SEMA5A: variants seen among roughly 807,000 people sequenced by gnomAD.
SEMA5A encodes the protein semaphorin-5A.
In SEMA5A, 55 loss-of-function variants were observed where a neutral mutation model predicts 135.5. That is an observed-to-expected ratio of 0.41 (90% CI 0.33 to 0.51). The LOEUF (loss-of-function observed/expected upper bound fraction) is 0.51, where lower values mean the gene tolerates loss of function less well. Ranked by LOEUF, SEMA5A falls within the 20% of genes least tolerant of loss-of-function variation. SEMA5A has a pLI of 0.37. For missense variants in SEMA5A, 1,290 were observed against 1,419.9 expected (o/e 0.91, Z 1.47); for synonymous variants, 580 against 546.5 (o/e 1.06, Z -0.85).
chr5:9,221,553 C>CGTGATCTGCCCGCTGT, intron 8 of SEMA5A, among the ~76,000 whole-genome samples: 1 of 150,794 alleles, frequency 6.6e-6, no homozygotes, highest in Non-Finnish European at 1.5e-5. Context: ...CCGCCCGCCT[C>CGTGATCTGCCCGCTGT]GGCCTCCCAA....
intron 7 of SEMA5A, among the ~76,000 whole-genome samples, chr5:9,226,581 G>A (rs2150421155): frequency 6.6e-6 from 1 of 152,210 alleles, no homozygotes; most frequent in East Asian, 1.9e-4. Context: ...AATATGTTTA[G>A]GATTAATGTT....
At chr5:9,473,140 T>TATAA (rs372991269) in intron 1 of SEMA5A, among the ~76,000 whole-genome samples, 3,575 of 144,906 alleles carry the variant, frequency 0.025, 106 homozygotes, top group African/African-American at 0.06. Flanking sequence ...TATATATATA[T>TATAA]AATGCCCACA....
At chr5:9,197,402 A>G in intron 9 of SEMA5A, 99 bp from the exon 10 acceptor site, 2 of 1,380,630 alleles carry the variant, frequency 1.4e-6, no homozygotes, top group East Asian at 2.3e-5. Flanking sequence ...TACAGCTTCC[A>G]GAGGTCTCAA....
intron 2 of SEMA5A, among the ~76,000 whole-genome samples, chr5:9,425,429 A>G (rs1757613117): frequency 6.6e-6 from 1 of 152,202 alleles, no homozygotes; most frequent in Non-Finnish European, 1.5e-5. Context: ...GTTATTTCTC[A>G]TGGTCACTTT....
intron 8 of SEMA5A, among the ~76,000 whole-genome samples, chr5:9,206,614 A>ACC (rs1169899295): frequency 1.3e-5 from 2 of 152,156 alleles, no homozygotes; most frequent in African/African-American, 4.8e-5. Context: ...ATCATTGAGC[A>ACC]GATCTTTAAT....
intron 2 of SEMA5A, among the ~76,000 whole-genome samples, chr5:9,391,186 T>C (rs1386518103): frequency 6.6e-6 from 1 of 152,070 alleles, no homozygotes; most frequent in Non-Finnish European, 1.5e-5. Flanking sequence ...GAGAGGAAAA[T>C]TTCACTAAGT....
intron 16 of SEMA5A, among the ~76,000 whole-genome samples, chr5:9,090,426 T>C (rs1006181284): frequency 6.6e-6 from 1 of 152,186 alleles, no homozygotes; most frequent in Non-Finnish European, 1.5e-5. Flanking sequence ...CTCCTAAAGG[T>C]GGCCCTGAAA....
intron 1 of SEMA5A, among the ~76,000 whole-genome samples, chr5:9,464,085 C>T (rs1759163690): frequency 6.6e-6 from 1 of 152,148 alleles, no homozygotes; most frequent in Non-Finnish European, 1.5e-5. Flanking sequence ...GAGCAGCGTT[C>T]CTGGTCTCTA....
chr5:9,062,380 T>C (rs547469504), intron 18 of SEMA5A, among the ~76,000 whole-genome samples: 2 of 152,332 alleles, frequency 1.3e-5, no homozygotes, highest in South Asian at 4.1e-4. Flanking sequence ...TCAGGTCTGC[T>C]GGGAGAAGGG....
intron 16 of SEMA5A, among the ~76,000 whole-genome samples, chr5:9,093,676 G>C (rs1244043530): frequency 1.3e-5 from 2 of 151,174 alleles, no homozygotes; most frequent in South Asian, 2.1e-4. Context: ...CTGGGTGACA[G>C]AGTGAGACTC....
chr5:9,151,811 C>T (rs1043364305), intron 12 of SEMA5A, among the ~76,000 whole-genome samples: 2 of 152,220 alleles, frequency 1.3e-5, no homozygotes, highest in Admixed American at 6.5e-5. Context: ...CTGCTTCTCT[C>T]AGAGTAAACA....
At chr5:9,170,740 C>T (rs533373406) in intron 11 of SEMA5A, among the ~76,000 whole-genome samples, 2 of 152,262 alleles carry the variant, frequency 1.3e-5, no homozygotes, top group East Asian at 1.9e-4. Context: ...GGCTTTTCAT[C>T]CCCCAGCACT....
chr5:9,077,381 T>C (rs1471921735), intron 16 of SEMA5A, among the ~76,000 whole-genome samples: 1 of 152,216 alleles, frequency 6.6e-6, no homozygotes, highest in Non-Finnish European at 1.5e-5. Context: ...ATGATTTAGA[T>C]ATTTTAGATA....
At chr5:9,172,674 C>A (rs1017256653) in intron 11 of SEMA5A, among the ~76,000 whole-genome samples, 2 of 152,128 alleles carry the variant, frequency 1.3e-5, no homozygotes, top group Admixed American at 6.5e-5. Context: ...TTCTACCTGG[C>A]ATAACTGAAG....
At position 9,041,349 on chromosome 5, in the gene SEMA5A, C is replaced by T. The variant is rs374282899; in HGVS notation, c.*1548G>A. On this transcript the variant is annotated 3_prime_UTR_variant, in exon 23 of 23. Transcript: ENST00000382496. ...ATCCGAAGGTTCATTTGTAAGAACA[C>T]GTTTCCGTGTCTACCCAGGACTTTA... The T allele has an allele frequency of 6.6e-5, 10 of 152,196 alleles. No homozygotes were observed. Among genetic ancestry groups the T allele is most frequent in the East Asian group, 1.9e-4 (1 of 5,196 alleles). The allele number at this position is 152,196 out of a possible 1,614,324, so 9.4% of individuals were successfully genotyped here.
At chr5:9,409,479 C>G (rs1006268192) in intron 2 of SEMA5A, among the ~76,000 whole-genome samples, 3 of 152,138 alleles carry the variant, frequency 2.0e-5, no homozygotes, top group African/African-American at 7.2e-5. Context: ...AACCAAAACT[C>G]CACCTCTCTC....
At chr5:9,502,772 C>T (rs555199673) in intron 1 of SEMA5A, among the ~76,000 whole-genome samples, 1 of 152,278 alleles carries the variant, frequency 6.6e-6, no homozygotes, top group African/African-American at 2.4e-5. Flanking sequence ...CCTGAGAAAA[C>T]AGGGGCCACT....
chr5:9,501,789 A>C (rs945722073), intron 1 of SEMA5A, among the ~76,000 whole-genome samples: 1 of 152,220 alleles, frequency 6.6e-6, no homozygotes, highest in Admixed American at 6.5e-5. Context: ...CAGGACACAT[A>C]GCTGTTACAT....
At chr5:9,233,692 A>T (rs934769033) in intron 6 of SEMA5A, among the ~76,000 whole-genome samples, 2 of 152,206 alleles carry the variant, frequency 1.3e-5, no homozygotes, top group African/African-American at 4.8e-5. Context: ...GTGAAATCAT[A>T]TCTGTGTCTG....
Sources: allele counts gnomAD v4.1 joint callset (sites outside exome capture counted in the v4.1 genomes callset), GRCh38; gene constraint gnomAD v4.1.1; transcripts MANE v1.5; gene names NCBI Gene and HGNC (gene_info 2026-07-23, HGNC 2026-07-21).